Variants in SLC25A48 observed in about 807,000 individuals in gnomAD.
SLC25A48 encodes the protein CTC-321K16.1.
SLC25A48 carries 29 observed loss-of-function variants against 32.2 expected under a neutral mutation model. The ratio of observed to expected loss-of-function variants is 0.90; its 90% CI spans 0.67 to 1.23. The LOEUF (loss-of-function observed/expected upper bound fraction) is 1.23, where lower values mean the gene tolerates loss of function less well. Among genes scored for constraint, SLC25A48 ranks in the 50% most tolerant of loss-of-function variants. The pLI is 0.00. For synonymous variants in SLC25A48, 164 were observed against 172.3 expected, an observed-to-expected ratio of 0.95 and a Z score of 0.38; for missense variants, 399 against 422.7, an observed-to-expected ratio of 0.94 and a Z score of 0.49.
Position 135,584,313 on chromosome 5 carries a change from CAT to C in SLC25A48, c.-849+4720_-849+4721del, listed in dbSNP as rs142780269. On this transcript the variant is annotated intron_variant, in intron 1 of 10. Transcript: ENST00000646290. ...AAGATATTTCCGAAGAGGGCCCTAA[CAT>C]ATAAATGAGCAAAGGACATCAAAGG... Among the ~76,000 whole-genome samples, 1,059 of 152,296 alleles carry C rather than the reference CAT, an allele frequency of 7.0e-3. 7 individuals carry two copies. Among genetic ancestry groups the C allele is most frequent in the African/African-American group, 0.024 (1,000 of 41,570 alleles).
At chr5:135,704,992 G>T (rs1754474180) in intron 3 of SLC25A48, among the ~76,000 whole-genome samples, 1 of 152,188 alleles carries the variant, frequency 6.6e-6, no homozygotes, top group Non-Finnish European at 1.5e-5. Context: ...ATGTGGGCAT[G>T]GTCAGGATGG....
At chr5:135,660,610 A>C (rs1298005031) in intron 3 of SLC25A48, among the ~76,000 whole-genome samples, 1 of 152,196 alleles carries the variant, frequency 6.6e-6, no homozygotes, top group Admixed American at 6.5e-5. Context: ...AAGACAAGTT[A>C]CCTGACTTCT....
intron 1 of SLC25A48, among the ~76,000 whole-genome samples, chr5:135,841,710 T>A (rs4246800): frequency 6.7e-6 from 1 of 149,134 alleles, no homozygotes; most frequent in Admixed American, 6.7e-5. Context: ...GATGTGTGGG[T>A]GGGGGGTATA....
At chr5:135,777,260 C>T (rs1235794028) in intron 3 of SLC25A48, among the ~76,000 whole-genome samples, 1 of 151,684 alleles carries the variant, frequency 6.6e-6, no homozygotes, top group East Asian at 1.9e-4. Flanking sequence ...GTTTCTAATA[C>T]CTAGAGGGGT....
intron 3 of SLC25A48, among the ~76,000 whole-genome samples, chr5:135,703,194 C>T (rs1288596396): frequency 6.6e-6 from 1 of 152,196 alleles, no homozygotes; most frequent in Admixed American, 6.5e-5. Flanking sequence ...AGACAGAAGT[C>T]TGAAATGTGG....
rs181113759 is a variant in SLC25A48, at chr5:135,720,527, G to A, written c.-521+85571G>A. 7.2e-5 allele frequency among the ~76,000 whole-genome samples: 11 copies of A among 152,336 alleles called. No homozygotes were observed. In the East Asian group the frequency reaches 1.7e-3, roughly 24 times the overall value. Reference sequence around the variant, plus strand: ...AGTCAGGAGTAAAGTGACTTTTCACGAGAATCAATGACCCTGTGAATCCAA... The same window carrying A: ...AGTCAGGAGTAAAGTGACTTTTCACAAGAATCAATGACCCTGTGAATCCAA... On this transcript the variant is annotated intron_variant, in intron 3 of 10. Transcript: ENST00000646290.
chr5:135,797,041 A>G (rs1204870273), intron 3 of SLC25A48, among the ~76,000 whole-genome samples: 1 of 151,822 alleles, frequency 6.6e-6, no homozygotes, highest in East Asian at 1.9e-4. Context: ...ATTACTCCCA[A>G]TATCGAGAGG....
intron 4 of SLC25A48, among the ~76,000 whole-genome samples, chr5:135,869,181 T>G (rs1003683802): frequency 2.0e-5 from 3 of 152,110 alleles, no homozygotes; most frequent in African/African-American, 7.2e-5. Flanking sequence ...AATAAAAAGT[T>G]TTTTCAAAAA....
At chr5:135,670,969 A>G (rs562311507) in intron 3 of SLC25A48, among the ~76,000 whole-genome samples, 280 of 152,332 alleles carry the variant, frequency 1.8e-3, no homozygotes, top group African/African-American at 6.6e-3. Flanking sequence ...GCGATGCCTA[A>G]ATAAATGATT....
chr5:135,747,637 A>G (rs1340264500), intron 3 of SLC25A48, among the ~76,000 whole-genome samples: 5 of 152,178 alleles, frequency 3.3e-5, no homozygotes, highest in African/African-American at 1.2e-4. Flanking sequence ...AATGTCATTG[A>G]TCACAGGTTT....
chr5:135,622,142 A>G (rs1013588340), intron 1 of SLC25A48, among the ~76,000 whole-genome samples: 3 of 152,220 alleles, frequency 2.0e-5, no homozygotes, highest in African/African-American at 7.2e-5. Flanking sequence ...CATTTTTCAT[A>G]TTTCCAGAGG....
chr5:135,883,722 T>TG (rs1762625766), intron 7 of SLC25A48, among the ~76,000 whole-genome samples: 1 of 152,188 alleles, frequency 6.6e-6, no homozygotes. Context: ...TGGCACACGT[T>TG]GGTGACTTGC....
chr5:135,776,195 C>T (rs114740463), intron 3 of SLC25A48, among the ~76,000 whole-genome samples: 74 of 148,826 alleles, frequency 5.0e-4, no homozygotes, highest in Admixed American at 1.4e-3. Flanking sequence ...AATATCCAAG[C>T]GAGTGATGAT....
At chr5:135,768,172 G>C in intron 3 of SLC25A48, among the ~76,000 whole-genome samples, 1 of 139,750 alleles carries the variant, frequency 7.2e-6, no homozygotes, top group South Asian at 2.4e-4. Flanking sequence ...TGCGATATTG[G>C]GAGTAATATC....
At chr5:135,795,690 C>T (rs949908689) in intron 3 of SLC25A48, among the ~76,000 whole-genome samples, 1 of 151,440 alleles carries the variant, frequency 6.6e-6, no homozygotes, top group South Asian at 2.1e-4. Context: ...GGTGATATTA[C>T]TCCCCATAAC....
Position 135,758,069 on chromosome 5 carries a change from TC to T in SLC25A48, c.-520-54453del, listed in dbSNP as rs146766917. ...TCATCTCTATGATATTTATAATATCTCTAGTGTTAACACACGATGATATTAA... is the reference window on the plus strand; with the variant it reads ...TCATCTCTATGATATTTATAATATCTTAGTGTTAACACACGATGATATTAA... On this transcript the variant is annotated intron_variant, in intron 3 of 10. Transcript: ENST00000646290. Among the ~76,000 whole-genome samples, 1,331 of 150,842 alleles carry T rather than the reference TC, an allele frequency of 8.8e-3. 11 individuals carry two copies. Among genetic ancestry groups the T allele is most frequent in the African/African-American group, 0.028 (1,169 of 41,512 alleles).
At chr5:135,747,881 C>T (rs1198752910) in intron 3 of SLC25A48, among the ~76,000 whole-genome samples, 1 of 152,178 alleles carries the variant, frequency 6.6e-6, no homozygotes, top group Non-Finnish European at 1.5e-5. Context: ...GAAACTGAGG[C>T]TTAAAGTAGT....
At chr5:135,727,198 ATAT>A (rs1755110688) in intron 3 of SLC25A48, among the ~76,000 whole-genome samples, 2 of 150,602 alleles carry the variant, frequency 1.3e-5, no homozygotes, top group South Asian at 4.2e-4. Context: ...ATATATATAT[ATAT>A]ATACGTGTGT....
chr5:135,690,197 G>A (rs1391579833), intron 3 of SLC25A48, among the ~76,000 whole-genome samples: 1 of 152,194 alleles, frequency 6.6e-6, no homozygotes, highest in Non-Finnish European at 1.5e-5. Flanking sequence ...TCTGCAAAAT[G>A]GAGATAACAA....
Sources: gnomAD v4.1 joint callset for allele counts (sites outside exome capture counted in the v4.1 genomes callset) on GRCh38, gnomAD v4.1.1 for gene constraint, MANE v1.5 for transcripts, NCBI Gene and HGNC (gene_info 2026-07-23, HGNC 2026-07-21) for gene names.